INSL6: variants seen among roughly 807,000 people sequenced by gnomAD.
The protein encoded by INSL6 is insulin-like peptide INSL6.
INSL6 carries 16 observed loss-of-function variants against 9.4 expected under a neutral mutation model. The ratio of observed to expected loss-of-function variants is 1.70; its 90% CI spans 1.15 to 2.59. The LOEUF (loss-of-function observed/expected upper bound fraction) is 2.59, where lower values mean the gene tolerates loss of function less well. INSL6 is among the 30% of genes most tolerant of loss of function. The pLI is 0.00. For synonymous variants in INSL6, 154 were observed against 96.9 expected (o/e 1.59, Z -3.46); for missense variants, 391 against 257.3 (o/e 1.52, Z -3.56).
At chr9:4,993,937 T>C in the INSL6 span, among the ~76,000 whole-genome samples, 2 of 152,322 alleles carry the variant, frequency 1.3e-5, no homozygotes, top group South Asian at 4.1e-4. Context: ...CTAAATGGTC[T>C]CAGACTGAGT....
At chr9:5,067,945 A>G in the INSL6 span, among the ~76,000 whole-genome samples, 10 of 152,270 alleles carry the variant, frequency 6.6e-5, no homozygotes, top group Non-Finnish European at 1.3e-4. Context: ...CGAGGTCAAG[A>G]GATTGAGACC....
chr9:5,072,667 T>A, the INSL6 span: 1 of 1,474,112 alleles, frequency 6.8e-7, no homozygotes, highest in Non-Finnish European at 9.1e-7. Flanking sequence ...TTTATGCTGT[T>A]TAAAGATGTG....
At chr9:5,120,440 A>T (rs1328432670), downstream of INSL6, among the ~76,000 whole-genome samples, 2 of 152,206 alleles carry the variant, frequency 1.3e-5, no homozygotes, top group African/African-American at 4.8e-5. Context: ...TAAAAACTCA[A>T]TTTCATTTAA....
At chr9:5,140,942 A>G (rs1257285792) in intron 2 of INSL6, among the ~76,000 whole-genome samples, 1 of 152,000 alleles carries the variant, frequency 6.6e-6, no homozygotes, top group South Asian at 2.1e-4. Flanking sequence ...GCTCCCACTT[A>G]TAACTGAGAA....
downstream of INSL6, among the ~76,000 whole-genome samples, chr9:5,122,558 ATCTT>A (rs1254259601): frequency 6.6e-6 from 1 of 152,210 alleles, no homozygotes; most frequent in South Asian, 2.1e-4. Flanking sequence ...GATTTTAGTT[ATCTT>A]TCTATGTCAG....
the INSL6 span, among the ~76,000 whole-genome samples, chr9:5,023,973 T>G: frequency 6.6e-6 from 1 of 152,102 alleles, no homozygotes; most frequent in Non-Finnish European, 1.5e-5. Flanking sequence ...ATTTTTAGCT[T>G]GGGCCGGGCA....
the INSL6 span, among the ~76,000 whole-genome samples, chr9:5,068,262 T>C: frequency 6.6e-6 from 1 of 152,006 alleles, no homozygotes; most frequent in Non-Finnish European, 1.5e-5. Context: ...TAAATGTTTC[T>C]GAGTAGAATG....
At chr9:5,128,246 G>A (rs1264411166) in intron 3 of INSL6, 1 of 230,572 alleles carries the variant, frequency 4.3e-6, no homozygotes, top group Non-Finnish European at 8.6e-6. Flanking sequence ...TTGGGTTGAA[G>A]GGAAGGAAAA....
chr9:5,054,939 A>G, the INSL6 span: 1 of 1,301,254 alleles, frequency 7.7e-7, no homozygotes, highest in Admixed American at 2.4e-5. The surrounding 1 kb of genome is among the most constrained non-coding windows in gnomAD (Gnocchi z 4.9). Context: ...AATGGAAATA[A>G]AAACAAAGTA....
the INSL6 span, chr9:5,090,866 A>G: frequency 6.2e-7 from 1 of 1,612,948 alleles, no homozygotes; most frequent in South Asian, 1.1e-5. Context: ...CCACAAGACA[A>G]AGAATACTAT....
chr9:5,145,595 A>G (rs1173692812), intron 2 of INSL6, among the ~76,000 whole-genome samples: 48 of 152,160 alleles, frequency 3.2e-4, no homozygotes, highest in Admixed American at 2.9e-3. Context: ...AGATATACCA[A>G]TCAGTTGCAG....
chr9:5,021,965 A>T, the INSL6 span: 6 of 1,560,118 alleles, frequency 3.8e-6, no homozygotes, highest in Non-Finnish European at 4.4e-6. Context: ...TCTTACAGGC[A>T]AATGTTCTGA....
chr9:5,146,978 G>A (rs1311116831), intron 2 of INSL6, among the ~76,000 whole-genome samples: 1 of 152,146 alleles, frequency 6.6e-6, no homozygotes, highest in Non-Finnish European at 1.5e-5. Context: ...CGTTCAGGTA[G>A]GACCAGCCCT....
chr9:5,178,449 T>C (rs1825368247), intron 1 of INSL6, among the ~76,000 whole-genome samples: 1 of 152,194 alleles, frequency 6.6e-6, no homozygotes, highest in South Asian at 2.1e-4. Context: ...CACTGATCCA[T>C]TACTCTTCAC....
the INSL6 span, among the ~76,000 whole-genome samples, chr9:4,999,109 G>C: frequency 6.6e-6 from 1 of 152,292 alleles, no homozygotes; most frequent in East Asian, 1.9e-4. Context: ...ACAGGCGTGA[G>C]CCACCGCACC....
At chr9:5,129,863 G>C (rs1171285786) in intron 3 of INSL6, among the ~76,000 whole-genome samples, 1 of 152,062 alleles carries the variant, frequency 6.6e-6, no homozygotes, top group Admixed American at 6.6e-5. Context: ...GTAAAATGCA[G>C]ACTGTATACC....
chr9:5,068,987 T>C, the INSL6 span: 3 of 1,232,850 alleles, frequency 2.4e-6, no homozygotes, highest in South Asian at 1.4e-5. Flanking sequence ...CCATTGTGAC[T>C]ATCCCTCCCT....
At chr9:5,078,427 C>A in the INSL6 span, 3 of 1,612,350 alleles carry the variant, frequency 1.9e-6, no homozygotes, top group Non-Finnish European at 2.5e-6. Context: ...ATTAGTATTA[C>A]AGTTTTGCCA....
chr9:5,067,115 T>A, the INSL6 span, among the ~76,000 whole-genome samples: 60 of 152,306 alleles, frequency 3.9e-4, no homozygotes, highest in African/African-American at 1.4e-3. Context: ...TGGAAATCTT[T>A]GCCACATCAT....
Sources: gnomAD v4.1 joint callset for allele counts (sites outside exome capture counted in the v4.1 genomes callset) on GRCh38, gnomAD v4.1.1 for gene constraint, Gnocchi (gnomAD v3.1) non-coding constraint, MANE v1.5 for transcripts, NCBI Gene and HGNC (gene_info 2026-07-23, HGNC 2026-07-21) for gene names.